Variants in MEG3 observed in about 807,000 individuals in gnomAD.
MEG3 encodes maternally expressed 3, also known as Very putative protein from MEG3 locus.
At chr14:100,843,900 C>A (rs963776263) in intron 2 of MEG3, among the ~76,000 whole-genome samples, 1 of 136,166 alleles carries the variant, frequency 7.3e-6, no homozygotes, top group African/African-American at 2.8e-5. Flanking sequence ...AGGGTAGTGG[C>A]GCAATCTTGG....
upstream of MEG3, chr14:100,852,577 A>T: frequency 1.1e-5 from 4 of 366,872 alleles, no homozygotes; most frequent in Non-Finnish European, 2.2e-5. Flanking sequence ...CACCTGCTGA[A>T]GCTTCTCCCT....
chr14:100,852,422 G>A (rs2038109620), upstream of MEG3: 1 of 534,302 alleles, frequency 1.9e-6, no homozygotes, highest in African/African-American at 1.9e-5. Context: ...AGTACCACGT[G>A]TCAGGGCCAC....
At chr14:100,852,317 T>A (rs1595300414), upstream of MEG3, 1 of 530,348 alleles carries the variant, frequency 1.9e-6, no homozygotes, top group Non-Finnish European at 3.8e-6. Context: ...AGGGGGTGGT[T>A]CCCACGCTTC....
chr14:100,830,431 G>A (rs1213510876), downstream of MEG3: 1 of 150,866 alleles, frequency 6.6e-6, no homozygotes, highest in East Asian at 2.0e-4. Context: ...ACCAAATGCT[G>A]TAACTACTAT....
At chr14:100,834,530 GC>G in exon 1 of MEG3, 1 of 368,432 alleles carries the variant, frequency 2.7e-6, no homozygotes, top group Middle Eastern at 9.9e-4. Flanking sequence ...TGTAGGGGCA[GC>G]CCTTTAACCT....
chr14:100,860,563 A>G, intron 1 of MEG3: 1 of 437,190 alleles, frequency 2.3e-6, no homozygotes, highest in Non-Finnish European at 4.6e-6. Context: ...CCATGCTGCT[A>G]GGAGCCCGTG....
intron 2 of MEG3, among the ~76,000 whole-genome samples, chr14:100,840,859 G>A (rs1259665349): frequency 6.6e-6 from 1 of 152,202 alleles, no homozygotes; most frequent in East Asian, 1.9e-4. Flanking sequence ...ACAGTCGGGG[G>A]CCAAAGGCTG....
At chr14:100,835,914 G>T in intron 1 of MEG3, 1 of 293,906 alleles carries the variant, frequency 3.4e-6, no homozygotes, top group Middle Eastern at 1.2e-3. Context: ...TGCCTCCGCC[G>T]TGGCCCTGAG....
downstream of MEG3, chr14:100,831,446 C>G (rs1211068592): frequency 6.5e-6 from 1 of 152,794 alleles, no homozygotes; most frequent in Non-Finnish European, 1.5e-5. Context: ...GGCCTGTCTA[C>G]ACTTGCTGTC....
At chr14:100,834,712 T>TG (rs962358556) in exon 1 of MEG3, 4 of 456,172 alleles carry the variant, frequency 8.8e-6, no homozygotes, top group African/African-American at 6.0e-5. Context: ...TGGCACAGAG[T>TG]GGGGCTCAGT....
At chr14:100,836,585 C>T (rs555452917) in intron 2 of MEG3, among the ~76,000 whole-genome samples, 96 of 152,106 alleles carry the variant, frequency 6.3e-4, no homozygotes, top group African/African-American at 2.2e-3. Context: ...CCCCCGAGAG[C>T]GGCTCGGGCC....
At chr14:100,835,874 G>T (rs11859) in exon 1 of MEG3, 65,273 of 278,524 alleles carry the variant, frequency 0.23, 9,071 homozygotes, top group East Asian at 0.41. Context: ...TCGTGATCGT[G>T]CCCTGGTGGG....
At chr14:100,840,343 C>CT (rs2037715039) in intron 2 of MEG3, among the ~76,000 whole-genome samples, 1 of 152,154 alleles carries the variant, frequency 6.6e-6, no homozygotes, top group Admixed American at 6.5e-5. Context: ...AGCCTGGGAG[C>CT]TCCCAGGGCT....
At chr14:100,834,924 C>A (rs11160606) in exon 1 of MEG3, 1 of 409,550 alleles carries the variant, frequency 2.4e-6, no homozygotes, top group Admixed American at 2.5e-5. Flanking sequence ...TGCATTCACC[C>A]GCGCGGCCAT....
chr14:100,826,556 C>T (rs1240292632), intron 1 of MEG3, among the ~76,000 whole-genome samples: 4 of 152,128 alleles, frequency 2.6e-5, no homozygotes, highest in Non-Finnish European at 5.9e-5. Flanking sequence ...GGGGGGCGAA[C>T]CCCGGATTTC....
downstream of MEG3, chr14:100,829,479 C>A (rs371400266): frequency 6.6e-6 from 1 of 152,260 alleles, no homozygotes; most frequent in African/African-American, 2.4e-5. Context: ...TACTGAATCA[C>A]CAAAGGCACG....
chr14:100,838,632 G>T (rs576299206), intron 2 of MEG3, among the ~76,000 whole-genome samples: 26 of 152,174 alleles, frequency 1.7e-4, no homozygotes, highest in Non-Finnish European at 3.2e-4. Flanking sequence ...TCAGCGGAGG[G>T]CGGTGAGGGG....
chr14:100,841,761 G>A (rs1037043094), intron 2 of MEG3, among the ~76,000 whole-genome samples: 5 of 152,228 alleles, frequency 3.3e-5, no homozygotes, highest in Non-Finnish European at 5.9e-5. Context: ...ATTCCAAACA[G>A]GCAGGCTGCT....
At position 100,834,564 on chromosome 14, in the gene MEG3, T is replaced by TC. The variant is rs760926525; in HGVS notation, n.1597dup. The TC allele has an allele frequency of 5.5e-5, 22 of 397,658 alleles. No homozygotes were observed. The East Asian group carries it at 1.6e-3, about 29-fold the overall frequency. The allele number at this position is 397,658 out of a possible 1,614,324, so 24.6% of individuals were successfully genotyped here. On this transcript the variant is annotated non_coding_transcript_exon_variant, in exon 1 of 4. Coordinates refer to the MEG3 transcript ENST00000398461. ...CCTGGCTCCTTGAGTCCCTGCTTTTTCTGCTTCTGTTGCCTTCTTCCTCGT... is the reference window on the plus strand; with the variant it reads ...CCTGGCTCCTTGAGTCCCTGCTTTTTCCTGCTTCTGTTGCCTTCTTCCTCGT...
Sources: allele counts gnomAD v4.1 joint callset (sites outside exome capture counted in the v4.1 genomes callset), GRCh38; gene constraint gnomAD v4.1.1; transcripts MANE v1.5; gene names NCBI Gene and HGNC (gene_info 2026-07-23, HGNC 2026-07-21).